Variants in ZG16 observed in about 807,000 individuals in gnomAD.
The protein encoded by ZG16 is zymogen granule protein 16, also known as zymogen granule membrane protein 16.
In ZG16, 9 loss-of-function variants were observed where a neutral mutation model predicts 15.6. The ratio of observed to expected loss-of-function variants is 0.58; its 90% CI spans 0.35 to 1.00. The LOEUF (loss-of-function observed/expected upper bound fraction) is 1.00. Among genes scored for constraint, ZG16 ranks in the 50% least tolerant of loss-of-function variants. ZG16 has a pLI of 0.02. For missense variants in ZG16, 174 were observed against 214.8 expected, an observed-to-expected ratio of 0.81 and a Z score of 1.19; for synonymous variants, 89 against 87.4, an observed-to-expected ratio of 1.02 and a Z score of -0.10.
chr16:29,779,495 G>T lies in ZG16; in HGVS notation c.56-10G>T, dbSNP rs370367379. Reference sequence around the variant, plus strand: ...AGATTTCTCCCTCCAACTCCTGCTTGCCCCTCCAGTTCAGGCCAGGTCTTC... The same window carrying T: ...AGATTTCTCCCTCCAACTCCTGCTTTCCCCTCCAGTTCAGGCCAGGTCTTC... On this transcript the variant is annotated splice_polypyrimidine_tract_variant and intron_variant, in intron 2 of 3. Transcript: ENST00000400752. The T allele has an allele frequency of 1.7e-4, 255 of 1,536,414 alleles. No individual in the cohort carries two copies. Among genetic ancestry groups the T allele is most frequent in the Non-Finnish European group, 2.1e-4 (242 of 1,146,392 alleles).
chr16:29,779,353 G>T (rs1394030266), intron 2 of ZG16, 32 bp downstream of exon 2: 2 of 1,537,000 alleles, frequency 1.3e-6, no homozygotes, highest in Non-Finnish European at 1.7e-6. Flanking sequence ...TGGTATTGGG[G>T]ACTTGGGAAG....
In ZG16 at chr16:29,779,728, G is replaced by A. The variant is rs1488775893; in HGVS notation, c.188+91G>A. The A allele has an allele frequency of 7.6e-6, 11 of 1,448,380 alleles. No individual in the cohort carries two copies. In the East Asian group the frequency reaches 2.7e-4, roughly 36 times the overall value. The allele number at this position is 1,448,380 out of a possible 1,614,324, so 89.7% of individuals were successfully genotyped here. On this transcript the variant is annotated intron_variant, in intron 3 of 3. Transcript: ENST00000400752. ...GCAGAGGCAGATCGCTTGAGGCCAGGAGTTCTAGCTCAGCCTGGGCAAGAT... is the reference window on the plus strand; with the variant it reads ...GCAGAGGCAGATCGCTTGAGGCCAGAAGTTCTAGCTCAGCCTGGGCAAGAT...
chr16:29,779,321 A>T lies in ZG16; in HGVS notation c.55A>T (p.Ile19Phe). The T allele has an allele frequency of 6.5e-7, 1 of 1,537,652 alleles. No individual in the cohort carries two copies. Among genetic ancestry groups the T allele is most frequent in the Non-Finnish European group, 8.7e-7 (1 of 1,146,992 alleles). Residue 19 changes from isoleucine to phenylalanine, a missense_variant and splice_region_variant, in exon 2 of 4, where the codon ATT becomes TTT. Ile to Phe is a conservative substitution (Grantham distance 21). Coordinates refer to ENST00000400752, the MANE Select transcript of ZG16 (RefSeq NM_152338.4). ...CTGTGCCTCAGCCTCTGGCAATGCC[A>T]GTAAGTGAGATACCAGGAGCCTGGT... ...LLCASASGNA[I>F]QARSSSYSGE...
chr16:29,780,684 T>C lies in ZG16; in HGVS notation c.*265T>C. 2.4e-6 allele frequency: 1 copy of C among 419,670 alleles called. No individual in the cohort carries two copies. The allele number at this position is 419,670 out of a possible 1,614,324, so 26.0% of individuals were successfully genotyped here. The stretch of plus-strand genomic sequence containing the variant: ...TGTGCTATAATTTATCAAGAGGAGA[T>C]GAGATTCTGGCTTGCATCAACGCTC... On this transcript the variant is annotated 3_prime_UTR_variant, in exon 4 of 4. Coordinates refer to ENST00000400752, the MANE Select transcript of ZG16 (RefSeq NM_152338.4).
chr16:29,779,721 A>T (rs557581344), intron 3 of ZG16, 84 bp downstream of exon 3: 1 of 1,474,820 alleles, frequency 6.8e-7, no homozygotes, highest in Admixed American at 2.0e-5. Flanking sequence ...AGATCGCTTG[A>T]GGCCAGGAGT....
chr16:29,779,530 T>C lies in ZG16; in HGVS notation c.81T>C (p.Ser27=). 1 of 1,537,186 alleles carries C rather than the reference T, an allele frequency of 6.5e-7. No individual in the cohort carries two copies. The highest frequency in any genetic ancestry group is 8.7e-7 in the Non-Finnish European group (1 of 1,146,920). The part of the protein sequence containing the change: ...NAIQARSSSY[S]GEYGGGGGKR... ...TTCAGGCCAGGTCTTCCTCCTATAGTGGAGAGTATGGAGGTGGTGGTGGAA... is the reference window on the plus strand; with the variant it reads ...TTCAGGCCAGGTCTTCCTCCTATAGCGGAGAGTATGGAGGTGGTGGTGGAA... Residue 27 remains serine (S), a synonymous_variant, in exon 3 of 4, where the codon AGT becomes AGC. Transcript: ENST00000400752.
At position 29,779,700 on chromosome 16, in the gene ZG16, G is replaced by C; in HGVS notation, c.188+63G>C. On this transcript the variant is annotated intron_variant, in intron 3 of 3. Coordinates refer to ENST00000400752, the MANE Select transcript of ZG16 (RefSeq NM_152338.4). ...CACATCTGTCATTACAATGCTTTGGGAGGCAGAGGCAGATCGCTTGAGGCC... is the reference window on the plus strand; with the variant it reads ...CACATCTGTCATTACAATGCTTTGGCAGGCAGAGGCAGATCGCTTGAGGCC... The C allele has an allele frequency of 2.0e-6, 3 of 1,517,518 alleles. No homozygotes were observed. The South Asian group carries it at 3.6e-5, about 18-fold the overall frequency. 94.0% of individuals were successfully genotyped at this position (1,517,518 alleles called of 1,614,324 possible). A position where few individuals can be genotyped will look rare whatever the true frequency, so the allele number is the denominator to read the frequency against.
At position 29,780,057 on chromosome 16, in the gene ZG16, C is replaced by T. The variant is rs1055803042; in HGVS notation, c.189-47C>T. 3 of 1,475,086 alleles carry T rather than the reference C, an allele frequency of 2.0e-6. No homozygotes were observed. The South Asian group carries it at 3.9e-5, about 19-fold the overall frequency. 91.4% of individuals were successfully genotyped at this position (1,475,086 alleles called of 1,614,324 possible). A position where few individuals can be genotyped will look rare whatever the true frequency, so the allele number is the denominator to read the frequency against. The stretch of plus-strand genomic sequence containing the variant: ...GTAGGACTAGCCAGAGACCTCTCAT[C>T]CCTATCATCACCTTTCTTTCTCCTT... On this transcript the variant is annotated intron_variant, in intron 3 of 3. Transcript: ENST00000400752.
intron 3 of ZG16, 111 bp downstream of exon 3, chr16:29,779,748 C>T: frequency 7.5e-7 from 1 of 1,334,898 alleles, no homozygotes; most frequent in Non-Finnish European, 1.0e-6. Context: ...TCAGCCTGGG[C>T]AAGATGCCAG....
At position 29,780,733 on chromosome 16, in the gene ZG16, T is replaced by C. The variant is rs973242295; in HGVS notation, c.*314T>C. On this transcript the variant is annotated 3_prime_UTR_variant, in exon 4 of 4. Coordinates refer to ENST00000400752, the MANE Select transcript of ZG16 (RefSeq NM_152338.4). ...TCTTCAAGGACAGCTCCTTGGAACA[T>C]TGATCCAAACTGGAGTCATGGGTCT... 3.5e-6 allele frequency: 1 copy of C among 285,920 alleles called. No homozygotes were observed. Among genetic ancestry groups the C allele is most frequent in the Non-Finnish European group, 6.6e-6 (1 of 152,144 alleles). The allele number at this position is 285,920 out of a possible 1,614,324, so 17.7% of individuals were successfully genotyped here. A position where few individuals can be genotyped will look rare whatever the true frequency, so the allele number is the denominator to read the frequency against.
chr16:29,780,032 G>A, intron 3 of ZG16, 72 bp from the exon 4 acceptor site: 1 of 1,361,584 alleles, frequency 7.3e-7, no homozygotes, highest in Non-Finnish European at 9.9e-7. Flanking sequence ...TTCACAGTCT[G>A]TAGGACTAGC....
At position 29,782,770 on chromosome 16, in the gene ZG16, G is replaced by C. The variant is rs1194506551; in HGVS notation, c.*2351G>C. ...AGATATGGTGGCCCAACTGTTGCGGGAAGTCAGGGACCCCGAACGGAGGGA... is the reference window on the plus strand; with the variant it reads ...AGATATGGTGGCCCAACTGTTGCGGCAAGTCAGGGACCCCGAACGGAGGGA... On this transcript the variant is annotated 3_prime_UTR_variant, in exon 4 of 4. Transcript: ENST00000400752. The C allele has an allele frequency of 6.5e-6, 1 of 152,950 alleles. No homozygotes were observed. The highest frequency in any genetic ancestry group is 1.8e-4 in the South Asian group (1 of 5,534). 9.5% of individuals were successfully genotyped at this position (152,950 alleles called of 1,614,324 possible).
intron 1 of ZG16, among the ~76,000 whole-genome samples, chr16:29,779,009 A>G (rs1226767084): frequency 6.6e-6 from 1 of 152,158 alleles, no homozygotes; most frequent in Non-Finnish European, 1.5e-5. Flanking sequence ...CAGGCCTGAG[A>G]GAAAAAGAGG....
Position 29,780,555 on chromosome 16 carries a change from C to T in ZG16, c.*136C>T. On this transcript the variant is annotated 3_prime_UTR_variant, in exon 4 of 4. Coordinates refer to ENST00000400752, the MANE Select transcript of ZG16 (RefSeq NM_152338.4). ...GGGCATCTGTGGCTGGGATATCTGC[C>T]TCCTGACTTAGCCGGGGACGTGCAA... 2 of 806,270 alleles carry T rather than the reference C, an allele frequency of 2.5e-6. No individual in the cohort carries two copies. Among genetic ancestry groups the T allele is most frequent in the South Asian group, 4.1e-5 (2 of 48,832 alleles). The allele number at this position is 806,270 out of a possible 1,614,324, so 49.9% of individuals were successfully genotyped here. A position where few individuals can be genotyped will look rare whatever the true frequency, so the allele number is the denominator to read the frequency against.
chr16:29,779,472 A>G, intron 2 of ZG16, 33 bp from the exon 3 acceptor site: 1 of 1,534,876 alleles, frequency 6.5e-7, no homozygotes, highest in East Asian at 2.4e-5. Flanking sequence ...CTCCTGGAAG[A>G]TTTCTCCCTC....
At chr16:29,779,438 CA>C in intron 2 of ZG16, 66 bp from the exon 3 acceptor site, 1 of 1,534,996 alleles carries the variant, frequency 6.5e-7, no homozygotes, top group Non-Finnish European at 8.7e-7. Context: ...GTCGGAGGAA[CA>C]GGGGTGATGC....
At chr16:29,778,462 C>T (rs989829062) in intron 1 of ZG16, among the ~76,000 whole-genome samples, 156 bp downstream of exon 1, 1 of 152,172 alleles carries the variant, frequency 6.6e-6, no homozygotes, top group African/African-American at 2.4e-5. Context: ...TAGGTCTCTG[C>T]TGAAGGACTG....
chr16:29,780,464 C>A lies in ZG16; in HGVS notation c.*45C>A. The A allele has an allele frequency of 7.0e-7, 1 of 1,432,882 alleles. No homozygotes were observed. Among genetic ancestry groups the A allele is most frequent in the Non-Finnish European group, 9.3e-7 (1 of 1,077,788 alleles). The allele number at this position is 1,432,882 out of a possible 1,614,324, so 88.8% of individuals were successfully genotyped here. A position where few individuals can be genotyped will look rare whatever the true frequency, so the allele number is the denominator to read the frequency against. ...GGCACTGTGATGAGGAGTAAGAACT[C>A]CCTTATCACTAACCCCCATCCAAAT... On this transcript the variant is annotated 3_prime_UTR_variant, in exon 4 of 4. Transcript: ENST00000400752.
Position 29,779,636 on chromosome 16 carries a change from G to A in ZG16, c.187G>A (p.Gly63Ser), listed in dbSNP as rs936560449. 2.0e-6 allele frequency: 3 copies of A among 1,536,916 alleles called. No homozygotes were observed. The highest frequency in any genetic ancestry group is 1.4e-5 in the African/African-American group (1 of 72,986). ...RVRVNTYYIV[G>S]LQVRYGKVWS... ...CCGAGTCAACACATACTACATCGTA[G>A]GGTAAGATTCTTTGAATTCCTGGCT... Residue 63 changes from glycine (G) to serine (S), a missense_variant and splice_region_variant, in exon 3 of 4, where the codon GGT (glycine) becomes AGT (serine). Transcript: ENST00000400752.
Sources: gnomAD v4.1 joint callset for allele counts (sites outside exome capture counted in the v4.1 genomes callset) on GRCh38, gnomAD v4.1.1 for gene constraint, MANE v1.5 for transcripts, NCBI Gene and HGNC (gene_info 2026-07-23, HGNC 2026-07-21) for gene names.